PRKAR2A: variants seen among roughly 807,000 people sequenced by gnomAD.
PRKAR2A encodes protein kinase cAMP-dependent type II regulatory subunit alpha.
In PRKAR2A, 29 loss-of-function variants were observed where a neutral mutation model predicts 51.9. The ratio of observed to expected loss-of-function variants is 0.56; its 90% CI spans 0.42 to 0.76. The LOEUF (loss-of-function observed/expected upper bound fraction) is 0.76. Ranked by LOEUF, PRKAR2A falls within the 30% of genes least tolerant of loss-of-function variation. The probability of loss-of-function intolerance (pLI) is 0.00; values close to 1 mark genes in which losing one functional copy is unlikely to be tolerated. For synonymous variants in PRKAR2A, 178 were observed against 186.2 expected, an observed-to-expected ratio of 0.96 and a Z score of 0.36; for missense variants, 445 against 512.1, an observed-to-expected ratio of 0.87 and a Z score of 1.26.
rs553677630 is a variant in PRKAR2A at position 48,810,483 on chromosome 3, T to C, written c.263-2799A>G. On this transcript the variant is annotated intron_variant, in intron 1 of 10. Transcript: ENST00000265563. ...ATACACTACTTCATTCCTGTGGATTTAATGTAGTACTTGACACAGCAAATT... is the reference window on the plus strand; with the variant it reads ...ATACACTACTTCATTCCTGTGGATTCAATGTAGTACTTGACACAGCAAATT... Among the ~76,000 whole-genome samples, 18 of 152,336 alleles carry C rather than the reference T, an allele frequency of 1.2e-4. No homozygotes were observed. The South Asian group carries it at 3.5e-3, about 30-fold the overall frequency.
chr3:48,756,770 A>G (rs1217667585), intron 8 of PRKAR2A, among the ~76,000 whole-genome samples: 1 of 152,224 alleles, frequency 6.6e-6, no homozygotes, highest in Admixed American at 6.5e-5. Context: ...TCTACATCAG[A>G]TAACGCATTA....
At chr3:48,838,146 C>A (rs1575957632) in intron 1 of PRKAR2A, among the ~76,000 whole-genome samples, 1 of 152,040 alleles carries the variant, frequency 6.6e-6, no homozygotes, top group East Asian at 1.9e-4. Flanking sequence ...CCACTGCACT[C>A]CAGCCTGGGC....
chr3:48,760,017 C>T (rs772530045), intron 8 of PRKAR2A, among the ~76,000 whole-genome samples: 4 of 152,158 alleles, frequency 2.6e-5, no homozygotes, highest in Non-Finnish European at 5.9e-5. Flanking sequence ...GCTAAATATT[C>T]TATCAATCAT....
chr3:48,789,821 C>A (rs2082355091), intron 4 of PRKAR2A, among the ~76,000 whole-genome samples: 1 of 151,844 alleles, frequency 6.6e-6, no homozygotes, highest in South Asian at 2.1e-4. Flanking sequence ...CATACAATTT[C>A]TTTCTCCCTC....
intron 5 of PRKAR2A, among the ~76,000 whole-genome samples, chr3:48,781,802 C>T (rs1018092563): frequency 1.3e-5 from 2 of 151,962 alleles, no homozygotes; most frequent in Non-Finnish European, 2.9e-5. Flanking sequence ...TGAGCCACTG[C>T]GACTGGCCAA....
At chr3:48,789,197 G>C (rs1426107300) in intron 4 of PRKAR2A, among the ~76,000 whole-genome samples, 2 of 152,144 alleles carry the variant, frequency 1.3e-5, no homozygotes, top group Non-Finnish European at 2.9e-5. Flanking sequence ...TATTGTCTTG[G>C]AGAAAGTGCC....
intron 1 of PRKAR2A, among the ~76,000 whole-genome samples, chr3:48,815,289 C>T (rs1385623545): frequency 6.6e-6 from 1 of 151,920 alleles, no homozygotes; most frequent in East Asian, 1.9e-4. Flanking sequence ...AACATACATA[C>T]ACACACATAC....
chr3:48,839,273 A>G (rs1189572593), intron 1 of PRKAR2A, among the ~76,000 whole-genome samples: 3 of 151,742 alleles, frequency 2.0e-5, no homozygotes, highest in Non-Finnish European at 4.4e-5. Flanking sequence ...GGACAACAAG[A>G]GCAAAATTCC....
Position 48,847,649 on chromosome 3 carries a change from C to A in PRKAR2A, c.-53G>T. On this transcript the variant is annotated 5_prime_UTR_variant, in exon 1 of 11. Transcript: ENST00000265563. The surrounding 1 kb of genome is among the most constrained non-coding windows in gnomAD (Gnocchi z 4.4). Reference sequence around the variant, plus strand: ...GTTGGGCCGCCGGCGGCCACTGTCTCCGCGCTCACTCACGCCGGCCTTTCG... The same window carrying A: ...GTTGGGCCGCCGGCGGCCACTGTCTACGCGCTCACTCACGCCGGCCTTTCG... 1 of 1,394,926 alleles carries A rather than the reference C, an allele frequency of 7.2e-7. No individual in the cohort carries two copies. The highest frequency in any genetic ancestry group is 9.3e-7 in the Non-Finnish European group (1 of 1,079,588). 86.4% of individuals were successfully genotyped at this position (1,394,926 alleles called of 1,614,324 possible).
At position 48,747,516 on chromosome 3, in the gene PRKAR2A, A is replaced by G. The variant is rs1385520557; in HGVS notation, c.*4069T>C. On this transcript the variant is annotated 3_prime_UTR_variant, in exon 11 of 11. Transcript: ENST00000265563. ...CCTGGCTGGAGAACCATTTCTTGCG[A>G]CTTTGCTGCTGAATTCACTCATTAA... is the stretch of plus-strand genomic sequence containing the variant. 1 of 152,160 alleles carries G rather than the reference A, an allele frequency of 6.6e-6. No individual in the cohort carries two copies. The highest frequency in any genetic ancestry group is 1.5e-5 in the Non-Finnish European group (1 of 68,042). 9.4% of individuals were successfully genotyped at this position (152,160 alleles called of 1,614,324 possible).
Position 48,790,618 on chromosome 3 carries a change from GATGA to G in PRKAR2A, c.357_360del (p.His120LeufsTer39), listed in dbSNP as rs769731769. The G allele has an allele frequency of 6.8e-7, 1 of 1,465,618 alleles. No individual in the cohort carries two copies. Among genetic ancestry groups the G allele is most frequent in the Non-Finnish European group, 9.1e-7 (1 of 1,103,042 alleles). 90.8% of individuals were successfully genotyped at this position (1,465,618 alleles called of 1,614,324 possible). ...CTGCATCTCTGTTCATCAGTTTTAG[GATGA>G]ATCACCTGCCAATCCAAATAAAACC... On this transcript the variant is annotated frameshift_variant, in exon 4 of 11. Coordinates refer to ENST00000265563, the MANE Select transcript of PRKAR2A (RefSeq NM_004157.4). LOFTEE classifies it high-confidence loss of function.
At chr3:48,785,309 G>A (rs975459931) in intron 4 of PRKAR2A, among the ~76,000 whole-genome samples, 3 of 147,960 alleles carry the variant, frequency 2.0e-5, no homozygotes, top group Non-Finnish European at 4.5e-5. Context: ...CGGCCAGGCC[G>A]GTGTGCAGTT....
chr3:48,758,040 G>C (rs1407653570), intron 8 of PRKAR2A, among the ~76,000 whole-genome samples: 3 of 150,790 alleles, frequency 2.0e-5, no homozygotes, highest in African/African-American at 7.3e-5. Context: ...TGGGCGACAA[G>C]AACGAAACTC....
chr3:48,790,708 C>CAT lies in PRKAR2A; in HGVS notation c.352-82_352-81insAT, dbSNP rs201060984. On this transcript the variant is annotated intron_variant, in intron 3 of 10. Coordinates refer to ENST00000265563, the MANE Select transcript of PRKAR2A (RefSeq NM_004157.4). ...TTAAAGATTGGTATATTTGTTTCTC[C>CAT]AAAAAGTGGGAAAAATAAAGAGCAT... 1.8e-3 allele frequency: 1,620 copies of CAT among 878,666 alleles called. 14 individuals carry two copies. In the African/African-American group the frequency reaches 0.025, roughly 14 times the overall value. 54.4% of individuals were successfully genotyped at this position (878,666 alleles called of 1,614,324 possible).
intron 6 of PRKAR2A, among the ~76,000 whole-genome samples, chr3:48,772,162 G>GT (rs1001199401): frequency 6.6e-6 from 1 of 152,124 alleles, no homozygotes; most frequent in Non-Finnish European, 1.5e-5. Context: ...TTGTGTGTGT[G>GT]TTTAAGTTTT....
At chr3:48,809,561 A>G (rs2082736129) in intron 1 of PRKAR2A, among the ~76,000 whole-genome samples, 1 of 127,320 alleles carries the variant, frequency 7.9e-6, no homozygotes, top group African/African-American at 3.0e-5. Context: ...GCGCCACTGC[A>G]CTCCAGCCTC....
intron 1 of PRKAR2A, among the ~76,000 whole-genome samples, chr3:48,808,044 CTTTCT>C (rs2082702744): frequency 1.5e-5 from 2 of 135,084 alleles, no homozygotes; most frequent in Non-Finnish European, 3.2e-5. Context: ...TTTTTTCTTT[CTTTCT>C]TTTTTTTTTT....
At chr3:48,773,895 T>C (rs1037650062) in intron 5 of PRKAR2A, among the ~76,000 whole-genome samples, 13 of 151,954 alleles carry the variant, frequency 8.6e-5, no homozygotes, top group African/African-American at 2.9e-4. Flanking sequence ...CATTGCAGCC[T>C]CCACCTCCTG....
chr3:48,832,667 G>A (rs1180719305), intron 1 of PRKAR2A, among the ~76,000 whole-genome samples: 2 of 151,868 alleles, frequency 1.3e-5, no homozygotes, highest in South Asian at 2.1e-4. Flanking sequence ...ATTACAAAAC[G>A]ATTTTTTTTT....
Sources: allele counts gnomAD v4.1 joint callset (sites outside exome capture counted in the v4.1 genomes callset), GRCh38; gene constraint gnomAD v4.1.1; non-coding constraint Gnocchi (gnomAD v3.1); transcripts MANE v1.5; gene names NCBI Gene and HGNC (gene_info 2026-07-23, HGNC 2026-07-21).